The following TNS3 variants were observed in gnomAD, a reference collection of about 807,000 sequenced individuals.
The protein encoded by TNS3 is tensin-3.
TNS3 carries 45 observed loss-of-function variants against 140.9 expected under a neutral mutation model. The ratio of observed to expected loss-of-function variants is 0.32; its 90% CI spans 0.25 to 0.41. TNS3 has a LOEUF of 0.41. TNS3 is among the 10% of genes least tolerant of loss of function. The pLI, the probability that TNS3 is intolerant of heterozygous loss-of-function variation, is 1.00. For missense variants in TNS3, 1,716 were observed against 1,906.7 expected, an observed-to-expected ratio of 0.90 and a Z score of 1.86; for synonymous variants, 815 against 788.4, an observed-to-expected ratio of 1.03 and a Z score of -0.56.
intron 17 of TNS3, among the ~76,000 whole-genome samples, chr7:47,350,328 AATTT>A: frequency 6.6e-6 from 1 of 152,210 alleles, no homozygotes; most frequent in South Asian, 2.1e-4. Flanking sequence ...CTCTCGTGTG[AATTT>A]CAGATTTAAC....
At position 47,278,150 on chromosome 7, in the gene TNS3, C is replaced by T; in HGVS notation, c.4264G>A (p.Asp1422Asn). Residue 1422 changes from aspartate to asparagine, a missense_variant, in exon 31 of 31, where the codon GAC becomes AAC. Transcript: ENST00000311160. ...DNVCHLFAEH[D>N]PEQPASAIVN... is the part of the protein sequence containing the mutation. ...ATGGCACTGGCAGGCTGCTCAGGGT[C>T]ATGCTCTGCAAACAGGTGGCACACA... 6.2e-7 allele frequency: 1 copy of T among 1,614,132 alleles called. No homozygotes were observed. Among genetic ancestry groups the T allele is most frequent in the Non-Finnish European group, 8.5e-7 (1 of 1,180,020 alleles).
At chr7:47,373,135 G>T (rs1309581698) in intron 16 of TNS3, among the ~76,000 whole-genome samples, 1 of 152,098 alleles carries the variant, frequency 6.6e-6, no homozygotes, top group African/African-American at 2.4e-5. Flanking sequence ...TCTCATAAAG[G>T]GCTATCATTT....
chr7:47,382,067 C>G (rs1442115570), intron 16 of TNS3, among the ~76,000 whole-genome samples: 1 of 152,174 alleles, frequency 6.6e-6, no homozygotes, highest in East Asian at 1.9e-4. Context: ...CAGCCTCCTA[C>G]AGGATACAAA....
At chr7:47,299,870 C>T (rs1322267827) in intron 23 of TNS3, among the ~76,000 whole-genome samples, 1 of 152,230 alleles carries the variant, frequency 6.6e-6, no homozygotes. Context: ...CACCTGGAGA[C>T]AGGGATGAGG....
intron 17 of TNS3, among the ~76,000 whole-genome samples, chr7:47,346,739 G>C (rs1789368002): frequency 1.3e-5 from 2 of 152,178 alleles, no homozygotes; most frequent in African/African-American, 4.8e-5. Context: ...TGCCACCCCT[G>C]GTGTCCTGTC....
intron 1 of TNS3, among the ~76,000 whole-genome samples, chr7:47,557,576 G>A (rs1326610021): frequency 2.0e-5 from 3 of 152,214 alleles, no homozygotes; most frequent in African/African-American, 4.8e-5. Context: ...GTAAATAACT[G>A]AAGGTTTTAT....
At chr7:47,381,313 G>A (rs983266653) in intron 16 of TNS3, among the ~76,000 whole-genome samples, 4 of 152,214 alleles carry the variant, frequency 2.6e-5, no homozygotes, top group African/African-American at 9.6e-5. Flanking sequence ...AGAGTACAGC[G>A]TGAATGTTCA....
chr7:47,313,918 G>T (rs753544084), intron 20 of TNS3, among the ~76,000 whole-genome samples: 4 of 152,180 alleles, frequency 2.6e-5, no homozygotes, highest in Non-Finnish European at 4.4e-5. Flanking sequence ...CCCTCTGTCA[G>T]ACCAGTTCCT....
In TNS3 at chr7:47,368,706, A is replaced by G; in HGVS notation, c.1940T>C (p.Val647Ala). 6.3e-7 allele frequency: 1 copy of G among 1,583,222 alleles called. No homozygotes were observed. Among genetic ancestry groups the G allele is most frequent in the Non-Finnish European group, 8.6e-7 (1 of 1,164,872 alleles). Reference protein sequence around the residue: ...TSSRVAVQRGVGSGPHPPDTQ... With the variant: ...TSSRVAVQRGAGSGPHPPDTQ... The stretch of plus-strand genomic sequence containing the variant: ...GTCAGGGGGATGTGGCCCACTGCCT[A>G]CACCCCTCTGGACAGCCACCCTACT... The change falls in exon 17 of 31, where the codon GTA becomes GCA. Residue 647 changes from valine to alanine, a missense_variant. Transcript: ENST00000311160.
Position 47,293,869 on chromosome 7 carries a change from T to C in TNS3, c.3677-41A>G, listed in dbSNP as rs1785855286. ...TAAAGAAAGAAGAATTTTTTGAAAA[T>C]GGGAGCATGGGAGAATTCAATAGAG... On this transcript the variant is annotated intron_variant, in intron 24 of 30. Transcript: ENST00000311160. The C allele has an allele frequency of 5.8e-6, 9 of 1,564,558 alleles. No individual in the cohort carries two copies. In the African/African-American group the frequency reaches 8.1e-5, roughly 14 times the overall value.
rs1417069088 is a variant in TNS3 at position 47,302,999 on chromosome 7, A to T, written c.3408T>A (p.Asn1136Lys). The T allele has an allele frequency of 6.2e-7, 1 of 1,613,368 alleles. No individual in the cohort carries two copies. The highest frequency in any genetic ancestry group is 1.7e-5 in the Admixed American group (1 of 59,994). The change falls in exon 22 of 31, where the codon AAT (asparagine) becomes AAA (lysine). Residue 1136 changes from asparagine to lysine, a missense_variant. Around this residue, in one of 3 missense-constraint regions of TNS3, gnomAD observed 1,163 missense variants for 1,182.1 expected, o/e 0.98. Transcript: ENST00000311160. ...AAGCCTTGGAAAAGTCGGGAAGGAC[A>T]TTTGGGAAGGGGATACTGATGGTGC... is the stretch of plus-strand genomic sequence containing the variant. Reference protein sequence around the residue: ...SGSTISIPFPNVLPDFSKASE... With the variant: ...SGSTISIPFPKVLPDFSKASE...
At chr7:47,419,323 G>A (rs1471365772) in intron 10 of TNS3, among the ~76,000 whole-genome samples, 3 of 152,228 alleles carry the variant, frequency 2.0e-5, no homozygotes, top group Non-Finnish European at 2.9e-5. Flanking sequence ...TCCGCAGGCT[G>A]TGGGCAGCAA....
chr7:47,538,551 G>A (rs185645040), intron 1 of TNS3, among the ~76,000 whole-genome samples: 1 of 152,196 alleles, frequency 6.6e-6, no homozygotes, highest in East Asian at 1.9e-4. Context: ...GGGCTAAGTC[G>A]TGGCCTTTAT....
At chr7:47,512,942 AC>A (rs1361890597) in intron 2 of TNS3, among the ~76,000 whole-genome samples, 1 of 152,186 alleles carries the variant, frequency 6.6e-6, no homozygotes, top group African/African-American at 2.4e-5. Flanking sequence ...AAACATTACA[AC>A]TTTTGCGTGA....
intron 17 of TNS3, among the ~76,000 whole-genome samples, chr7:47,349,154 C>T (rs1483138678): frequency 6.6e-6 from 1 of 152,102 alleles, no homozygotes; most frequent in Admixed American, 6.5e-5. Context: ...CCTCAATTCT[C>T]TCTCTCCCCA....
intron 1 of TNS3, among the ~76,000 whole-genome samples, chr7:47,563,708 G>C (rs1800364258): frequency 6.6e-6 from 1 of 152,210 alleles, no homozygotes; most frequent in Non-Finnish European, 1.5e-5. Context: ...GGAGGACACT[G>C]TTGGTGGCTT....
intron 4 of TNS3, among the ~76,000 whole-genome samples, chr7:47,475,794 G>A (rs1053992629): frequency 7.2e-5 from 11 of 152,320 alleles, no homozygotes; most frequent in South Asian, 2.1e-4. Flanking sequence ...CTGTTAGGCC[G>A]CAGCATCATG....
rs1795125701 is a variant in TNS3, at chr7:47,435,342, G to A, written c.264C>T (p.Cys88=). ...APPLDKMCTI[C]KAQESWLNSN... is the part of the protein sequence containing the mutation. Reference sequence around the variant, plus strand: ...TGTTCAGCCAGGACTCCTGCGCCTTGCATATGGTACACATCTTATCCAGGG... The same window carrying A: ...TGTTCAGCCAGGACTCCTGCGCCTTACATATGGTACACATCTTATCCAGGG... The change falls in exon 8 of 31, where the codon TGC becomes TGT. Residue 88 remains cysteine (C), a synonymous_variant. Coordinates refer to ENST00000311160, the MANE Select transcript of TNS3 (RefSeq NM_022748.12). 1 of 1,614,164 alleles carries A rather than the reference G, an allele frequency of 6.2e-7. No homozygotes were observed. Among genetic ancestry groups the A allele is most frequent in the East Asian group, 2.2e-5 (1 of 44,880 alleles).
intron 27 of TNS3, among the ~76,000 whole-genome samples, chr7:47,288,308 G>A (rs1010274145): frequency 6.6e-6 from 1 of 152,222 alleles, no homozygotes; most frequent in Non-Finnish European, 1.5e-5. Context: ...CCCTGTGGGT[G>A]AAGGGGAGGA....
Sources: gnomAD v4.1 joint callset for allele counts (sites outside exome capture counted in the v4.1 genomes callset) on GRCh38, gnomAD v4.1.1 for gene constraint, gnomAD v4.1.1 regional missense constraint, MANE v1.5 for transcripts, NCBI Gene and HGNC (gene_info 2026-07-23, HGNC 2026-07-21) for gene names.